The following PIGK variants were observed in gnomAD, a reference collection of about 807,000 sequenced individuals.
PIGK encodes the protein GPI-anchor transamidase.
Under a neutral mutation model 50.6 loss-of-function variants are expected in PIGK, and 42 were observed. The observed-to-expected ratio is 0.83, with a 90% CI of 0.65 to 1.07. PIGK has a LOEUF of 1.07. Among genes scored for constraint, PIGK ranks in the 50% least tolerant of loss-of-function variants. The pLI is 0.00. For synonymous variants in PIGK, 151 were observed against 156.0 expected (o/e 0.97, Z 0.24); for missense variants, 448 against 488.7 (o/e 0.92, Z 0.78).
chr1:77,159,388 G>C (rs1397552394), intron 8 of PIGK, among the ~76,000 whole-genome samples: 1 of 152,174 alleles, frequency 6.6e-6, no homozygotes, highest in Non-Finnish European at 1.5e-5. Flanking sequence ...GGAAAATGTG[G>C]GGTTGGAGCC....
chr1:77,218,489 T>C (rs754589886), intron 1 of PIGK, among the ~76,000 whole-genome samples: 18 of 152,204 alleles, frequency 1.2e-4, no homozygotes, highest in Non-Finnish European at 2.1e-4. Context: ...CTCAGGTTTC[T>C]AGCTTAGGAG....
Position 77,166,793 on chromosome 1 carries a change from C to A in PIGK, c.413G>T (p.Arg138Met). The stretch of plus-strand genomic sequence containing the variant: ...TGACCGAGGAGTACTAGGTGGGATC[C>A]TCCCAGTTAATACCCGTAAAAAATT... ...VENFLRVLTG[R>M]IPPSTPRSKR... is the part of the protein sequence containing the mutation. Residue 138 changes from arginine to methionine, a missense_variant, in exon 5 of 11, where the codon AGG becomes ATG. By Grantham distance (91) the Arg-to-Met change is moderately conservative. Coordinates refer to ENST00000370812, the MANE Select transcript of PIGK (RefSeq NM_005482.3). The A allele has an allele frequency of 6.2e-7, 1 of 1,600,930 alleles. No individual in the cohort carries two copies. Among genetic ancestry groups the A allele is most frequent in the South Asian group, 1.1e-5 (1 of 88,982 alleles).
intron 6 of PIGK, among the ~76,000 whole-genome samples, chr1:77,162,593 T>C (rs980368159): frequency 6.6e-6 from 1 of 152,142 alleles, no homozygotes; most frequent in Non-Finnish European, 1.5e-5. Flanking sequence ...AAGAATAATA[T>C]AATCAGGTAT....
intron 1 of PIGK, among the ~76,000 whole-genome samples, chr1:77,214,324 T>A (rs1183626030): frequency 6.6e-6 from 1 of 152,040 alleles, no homozygotes; most frequent in Non-Finnish European, 1.5e-5. Context: ...AACAAAAAGA[T>A]AATACACCAC....
In PIGK at chr1:77,154,449, C is replaced by A; in HGVS notation, c.986G>T (p.Ser329Ile). 1.2e-6 allele frequency: 2 copies of A among 1,601,790 alleles called. No individual in the cohort carries two copies. Among genetic ancestry groups the A allele is most frequent in the South Asian group, 1.1e-5 (1 of 90,644 alleles). Residue 329 changes from serine (S) to isoleucine (I), a missense_variant and splice_region_variant, in exon 9 of 11, where the codon AGC (serine) becomes ATC (isoleucine). Ser to Ile is a moderately radical substitution (Grantham distance 142, BLOSUM62 -2). Transcript: ENST00000370812. ...LQQDSEIMES[S>I]YKEDQMDEKL... ...TCAAATAATGGTTTAAGATGAATACCTGCTTTCCATGATTTCTGAATCCTG... is the reference window on the plus strand; with the variant it reads ...TCAAATAATGGTTTAAGATGAATACATGCTTTCCATGATTTCTGAATCCTG...
At chr1:77,183,073 G>A (rs1279187131) in intron 3 of PIGK, among the ~76,000 whole-genome samples, 2 of 152,112 alleles carry the variant, frequency 1.3e-5, no homozygotes, top group Non-Finnish European at 2.9e-5. Context: ...TGAAATTGTG[G>A]AAAAACAGAC....
intron 3 of PIGK, chr1:77,195,336 G>A: frequency 7.7e-7 from 1 of 1,297,732 alleles, no homozygotes; most frequent in Non-Finnish European, 1.1e-6. Flanking sequence ...CCACCAAGTT[G>A]AGCCAGCGGG....
At chr1:77,219,064 C>T (rs1656656662) in intron 1 of PIGK, among the ~76,000 whole-genome samples, 1 of 152,204 alleles carries the variant, frequency 6.6e-6, no homozygotes. Flanking sequence ...GAACTGCACA[C>T]ATGTAGGAGC....
At chr1:77,192,383 C>T (rs557581523) in intron 3 of PIGK, among the ~76,000 whole-genome samples, 15 of 152,140 alleles carry the variant, frequency 9.9e-5, no homozygotes, top group Non-Finnish European at 1.6e-4. Flanking sequence ...TGTTCATTCT[C>T]ATGAATTTGA....
chr1:77,190,456 T>C (rs1452489902), intron 3 of PIGK, among the ~76,000 whole-genome samples: 1 of 152,134 alleles, frequency 6.6e-6, no homozygotes, highest in East Asian at 1.9e-4. Context: ...TTGTCTTAAA[T>C]TGATAATGGA....
At chr1:77,104,608 CTAATTGGAGTCCCAA>C (rs1653622898) in intron 10 of PIGK, among the ~76,000 whole-genome samples, 1 of 152,088 alleles carries the variant, frequency 6.6e-6, no homozygotes, top group Non-Finnish European at 1.5e-5. Context: ...TAATATTTGC[CTAATTGGAGTCCCAA>C]GTAGGAAGGG....
intron 10 of PIGK, among the ~76,000 whole-genome samples, chr1:77,118,002 T>TA (rs943065019): frequency 4.0e-5 from 6 of 151,160 alleles, no homozygotes; most frequent in East Asian, 3.9e-4. Context: ...TGCTTGAAGT[T>TA]AAAAAAAAAT....
In PIGK at chr1:77,154,441, A is replaced by G. The variant is rs771028308; in HGVS notation, c.986+8T>C. 1 of 1,593,186 alleles carries G rather than the reference A, an allele frequency of 6.3e-7. No individual in the cohort carries two copies. Among genetic ancestry groups the G allele is most frequent in the Non-Finnish European group, 8.6e-7 (1 of 1,163,106 alleles). On this transcript the variant is annotated splice_region_variant and intron_variant, in intron 9 of 10. Transcript: ENST00000370812. ...TATTCTATTCAAATAATGGTTTAAG[A>G]TGAATACCTGCTTTCCATGATTTCT...
intron 3 of PIGK, chr1:77,195,191 C>T: frequency 8.4e-7 from 1 of 1,191,992 alleles, no homozygotes; most frequent in Non-Finnish European, 1.2e-6. Context: ...CTGTTCTTAA[C>T]CGTGGGCGAT....
intron 9 of PIGK, among the ~76,000 whole-genome samples, chr1:77,149,861 A>C (rs553731063): frequency 2.0e-5 from 3 of 152,182 alleles, no homozygotes; most frequent in Non-Finnish European, 2.9e-5. Context: ...AACAAGTCTC[A>C]ACAAATTCAA....
At chr1:77,213,176 C>T (rs756418172) in intron 1 of PIGK, among the ~76,000 whole-genome samples, 14 of 152,154 alleles carry the variant, frequency 9.2e-5, no homozygotes, top group Admixed American at 2.6e-4. Context: ...CCACCCGCCT[C>T]AGCCTCCCAA....
At chr1:77,132,155 G>A (rs900788935) in intron 9 of PIGK, among the ~76,000 whole-genome samples, 3 of 151,838 alleles carry the variant, frequency 2.0e-5, no homozygotes, top group South Asian at 2.1e-4. Context: ...TACTGAAAAT[G>A]TCTCATGTAA....
intron 3 of PIGK, among the ~76,000 whole-genome samples, chr1:77,181,236 C>G (rs1186365657): frequency 6.6e-6 from 1 of 152,088 alleles, no homozygotes; most frequent in Admixed American, 6.6e-5. Flanking sequence ...ATCAGGGCTG[C>G]TAGGCCATTC....
At chr1:77,202,007 G>A (rs115428688) in intron 3 of PIGK, among the ~76,000 whole-genome samples, 1,927 of 151,446 alleles carry the variant, frequency 0.013, 39 homozygotes, top group African/African-American at 0.045. Context: ...GCAGTGAGCC[G>A]TGTTTGTGTC....
Sources: allele counts gnomAD v4.1 joint callset (sites outside exome capture counted in the v4.1 genomes callset), GRCh38; gene constraint gnomAD v4.1.1; transcripts MANE v1.5; gene names NCBI Gene and HGNC (gene_info 2026-07-23, HGNC 2026-07-21).